The following CNTN4 variants were observed in gnomAD, a reference collection of about 807,000 sequenced individuals.
CNTN4 encodes contactin-4.
In CNTN4, 77 loss-of-function variants were observed where a neutral mutation model predicts 122.5. The ratio of observed to expected loss-of-function variants is 0.63; its 90% CI spans 0.52 to 0.76. The LOEUF is 0.76. CNTN4 is among the 30% of genes least tolerant of loss of function. The pLI is 0.00. For missense variants in CNTN4, 1,256 were observed against 1,259.1 expected, an observed-to-expected ratio of 1.00 and a Z score of 0.04; for synonymous variants, 512 against 447.0, an observed-to-expected ratio of 1.15 and a Z score of -1.83.
chr3:2,215,667 G>A (rs1210667690), intron 2 of CNTN4, among the ~76,000 whole-genome samples: 2 of 152,058 alleles, frequency 1.3e-5, no homozygotes, highest in Non-Finnish European at 2.9e-5. Flanking sequence ...TGGATCATGA[G>A]GTCAGGAGAT....
chr3:2,168,335 A>C (rs2036293388), intron 2 of CNTN4, among the ~76,000 whole-genome samples: 1 of 152,180 alleles, frequency 6.6e-6, no homozygotes, highest in Non-Finnish European at 1.5e-5. Context: ...GCTACTTGGA[A>C]ATTAAAATTA....
rs911467136 is a variant in CNTN4, at chr3:2,831,280, A to G, written c.454+11699A>G. ...TTACTGGAGTATCTGTATATTAATC[A>G]ATGACAAACAATATGGATAAAAAAC... On this transcript the variant is annotated intron_variant, in intron 7 of 24. Coordinates refer to ENST00000418658, the MANE Select transcript of CNTN4 (RefSeq NM_175607.3). 8.5e-5 allele frequency among the ~76,000 whole-genome samples: 13 copies of G among 152,328 alleles called. 5 individuals are homozygous for G.
rs538531476 is a variant in CNTN4, at chr3:2,674,585, C to T, written c.56-61630C>T. Among the ~76,000 whole-genome samples, 3 of 152,226 alleles carry T rather than the reference C, an allele frequency of 2.0e-5. No homozygotes were observed. The East Asian group carries it at 5.8e-4, about 29-fold the overall frequency. On this transcript the variant is annotated intron_variant, in intron 4 of 24. Coordinates refer to ENST00000418658, the MANE Select transcript of CNTN4 (RefSeq NM_175607.3). Reference sequence around the variant, plus strand: ...CAGCCTAGCCAACATGGTGAAATCTCGTCTCTATTAAATAATACAAGAATT... The same window carrying T: ...CAGCCTAGCCAACATGGTGAAATCTTGTCTCTATTAAATAATACAAGAATT...
At chr3:2,912,118 A>T (rs753795547) in intron 12 of CNTN4, among the ~76,000 whole-genome samples, 1 of 152,170 alleles carries the variant, frequency 6.6e-6, no homozygotes, top group Non-Finnish European at 1.5e-5. Context: ...ATCCAAAGAG[A>T]TCTACACTGA....
intron 2 of CNTN4, among the ~76,000 whole-genome samples, chr3:2,250,571 G>A (rs1028142053): frequency 2.0e-5 from 3 of 151,810 alleles, no homozygotes; most frequent in East Asian, 1.9e-4. Flanking sequence ...TGTTCAGGAC[G>A]ATGCATATGA....
At chr3:2,124,532 C>T (rs1021324499) in intron 2 of CNTN4, among the ~76,000 whole-genome samples, 6 of 151,430 alleles carry the variant, frequency 4.0e-5, no homozygotes, top group Admixed American at 1.3e-4. Flanking sequence ...GAGGCTGAGG[C>T]GGGAGGACCA....
chr3:3,025,668 T>G (rs922578325), intron 14 of CNTN4, among the ~76,000 whole-genome samples: 1 of 152,170 alleles, frequency 6.6e-6, no homozygotes, highest in African/African-American at 2.4e-5. Flanking sequence ...ATTTATTACT[T>G]TTACAATAGA....
intron 3 of CNTN4, among the ~76,000 whole-genome samples, chr3:2,413,023 T>A (rs1559530363): frequency 6.6e-6 from 1 of 152,244 alleles, no homozygotes; most frequent in African/African-American, 2.4e-5. Context: ...ACATTATTTT[T>A]ATTCAAAAAT....
intron 6 of CNTN4, among the ~76,000 whole-genome samples, chr3:2,799,065 T>C (rs936931292): frequency 2.0e-5 from 3 of 152,248 alleles, no homozygotes; most frequent in African/African-American, 7.2e-5. Flanking sequence ...TCAGTATAAT[T>C]TTAACTTGTG....
intron 2 of CNTN4, among the ~76,000 whole-genome samples, chr3:2,292,996 A>G (rs1053735850): frequency 6.6e-6 from 1 of 152,226 alleles, no homozygotes; most frequent in Admixed American, 6.5e-5. Context: ...TGATTGTCAC[A>G]TTTACACTGT....
At chr3:2,900,337 G>A (rs1250285992) in intron 10 of CNTN4, among the ~76,000 whole-genome samples, 1 of 152,130 alleles carries the variant, frequency 6.6e-6, no homozygotes, top group African/African-American at 2.4e-5. Flanking sequence ...AAATATACCA[G>A]CCTGGTTAAA....
chr3:2,161,782 G>A (rs957506344), intron 2 of CNTN4, among the ~76,000 whole-genome samples: 3 of 152,114 alleles, frequency 2.0e-5, no homozygotes, highest in Admixed American at 6.5e-5. Flanking sequence ...GTTAAGTTAC[G>A]AATTGTGAGG....
At chr3:2,391,842 T>G (rs904903469) in intron 3 of CNTN4, among the ~76,000 whole-genome samples, 1 of 152,176 alleles carries the variant, frequency 6.6e-6, no homozygotes, top group Non-Finnish European at 1.5e-5. Context: ...GGAAAGCTCA[T>G]TGAATGCATT....
chr3:2,464,070 A>C (rs555415551), intron 3 of CNTN4, among the ~76,000 whole-genome samples: 117 of 152,286 alleles, frequency 7.7e-4, no homozygotes, highest in Non-Finnish European at 8.7e-4. Context: ...AGACCATTGC[A>C]CCAAGTTTGA....
chr3:3,026,799 A>C (rs1302540320), intron 15 of CNTN4, among the ~76,000 whole-genome samples: 1 of 152,162 alleles, frequency 6.6e-6, no homozygotes, highest in Non-Finnish European at 1.5e-5. Context: ...AGGTAATTTG[A>C]ATTCAAAATG....
intron 2 of CNTN4, among the ~76,000 whole-genome samples, chr3:2,323,865 CT>C (rs1241746495): frequency 1.3e-5 from 2 of 152,100 alleles, no homozygotes; most frequent in African/African-American, 4.8e-5. Context: ...CTATAATATG[CT>C]TGTGTGTTTT....
chr3:2,414,819 C>T (rs1575582987), intron 3 of CNTN4, among the ~76,000 whole-genome samples: 1 of 152,100 alleles, frequency 6.6e-6, no homozygotes, highest in Admixed American at 6.5e-5. Context: ...CTGCCAAACA[C>T]AGCCCAAAAG....
At chr3:2,889,107 C>T (rs2094009663) in intron 10 of CNTN4, among the ~76,000 whole-genome samples, 2 of 152,124 alleles carry the variant, frequency 1.3e-5, no homozygotes, top group Non-Finnish European at 2.9e-5. Flanking sequence ...GATCGATAAT[C>T]ACGTAACATT....
rs140437089 is a variant in CNTN4, at chr3:2,435,776, A to G, written c.-89+96543A>G. Among the ~76,000 whole-genome samples the G allele has an allele frequency of 5.9e-3, 896 of 152,358 alleles. 7 individuals are homozygous for G. The highest frequency in any genetic ancestry group is 0.01 in the Middle Eastern group (3 of 294). ...TAGGTTATTTAAAAATAAAACCTAG[A>G]CATAAATACATGCCTACATGCAATC... On this transcript the variant is annotated intron_variant, in intron 3 of 24. Transcript: ENST00000418658.
Sources: gnomAD v4.1 joint callset for allele counts (sites outside exome capture counted in the v4.1 genomes callset) on GRCh38, gnomAD v4.1.1 for gene constraint, MANE v1.5 for transcripts, NCBI Gene and HGNC (gene_info 2026-07-23, HGNC 2026-07-21) for gene names.